Variants in DLG2 observed in about 807,000 individuals in gnomAD.
The protein encoded by DLG2 is disks large homolog 2.
DLG2 carries 45 observed loss-of-function variants against 132.5 expected under a neutral mutation model. The ratio of observed to expected loss-of-function variants is 0.34; its 90% CI spans 0.27 to 0.44. The LOEUF is 0.44. DLG2 is among the 20% of genes least tolerant of loss of function. The pLI, the probability that DLG2 is intolerant of heterozygous loss-of-function variation, is 1.00. For missense variants in DLG2, 1,045 were observed against 1,196.9 expected (o/e 0.87, Z 1.87); for synonymous variants, 424 against 419.6 (o/e 1.01, Z -0.13).
chr11:84,004,415 T>G (rs1317823608), intron 11 of DLG2, among the ~76,000 whole-genome samples: 4 of 151,952 alleles, frequency 2.6e-5, no homozygotes, highest in African/African-American at 9.7e-5. Flanking sequence ...TTCAACAAGC[T>G]AGGCAGAGAA....
chr11:85,141,380 T>C (rs1244631623), intron 5 of DLG2, among the ~76,000 whole-genome samples: 1 of 151,962 alleles, frequency 6.6e-6, no homozygotes, highest in Non-Finnish European at 1.5e-5. Context: ...GAGAAATCTC[T>C]GTTCAGATCT....
chr11:83,775,500 A>G (rs889606090), intron 18 of DLG2, among the ~76,000 whole-genome samples: 4 of 152,192 alleles, frequency 2.6e-5, no homozygotes, highest in Non-Finnish European at 4.4e-5. Flanking sequence ...AAGTTTTTGC[A>G]AAGTTTAAAT....
intron 3 of DLG2, among the ~76,000 whole-genome samples, chr11:85,473,043 C>G (rs1174596335): frequency 6.6e-6 from 1 of 152,224 alleles, no homozygotes; most frequent in African/African-American, 2.4e-5. Context: ...CACTGCTTTC[C>G]CCTTGTCTAG....
At chr11:85,608,757 G>A (rs1420450513) in intron 2 of DLG2, among the ~76,000 whole-genome samples, 1 of 152,194 alleles carries the variant, frequency 6.6e-6, no homozygotes, top group Admixed American at 6.5e-5. Context: ...ATTTAAAGCA[G>A]ATCAAGGCAG....
chr11:85,268,080 C>T (rs1006310728), intron 4 of DLG2, among the ~76,000 whole-genome samples: 1 of 152,110 alleles, frequency 6.6e-6, no homozygotes, highest in African/African-American at 2.4e-5. Flanking sequence ...TTTTATTTAA[C>T]CTGACAAATT....
intron 8 of DLG2, among the ~76,000 whole-genome samples, chr11:84,194,127 G>C (rs561581087): frequency 1.3e-5 from 2 of 152,156 alleles, no homozygotes; most frequent in Non-Finnish European, 2.9e-5. Context: ...TCAATCTTTC[G>C]ATGATCATAA....
At chr11:83,967,737 T>C (rs1362461150) in intron 12 of DLG2, among the ~76,000 whole-genome samples, 3 of 152,174 alleles carry the variant, frequency 2.0e-5, no homozygotes, top group Non-Finnish European at 4.4e-5. Context: ...TGTAGTCCTA[T>C]TTATTTTTCC....
intron 6 of DLG2, among the ~76,000 whole-genome samples, chr11:85,075,509 TCTTG>T (rs1248054509): frequency 2.0e-5 from 3 of 151,854 alleles, no homozygotes; most frequent in Non-Finnish European, 2.9e-5. Context: ...GCCAAATAGA[TCTTG>T]AAAACATTTT....
intron 7 of DLG2, among the ~76,000 whole-genome samples, chr11:84,409,851 C>G (rs1167528781): frequency 6.6e-6 from 1 of 152,176 alleles, no homozygotes. Flanking sequence ...ATTCCTCCCT[C>G]CCTTCACCGG....
intron 3 of DLG2, among the ~76,000 whole-genome samples, chr11:85,324,795 C>G (rs1339743174): frequency 6.6e-6 from 1 of 152,028 alleles, no homozygotes; most frequent in Non-Finnish European, 1.5e-5. Context: ...GGAACAGCTC[C>G]GGTCTACAGC....
intron 6 of DLG2, among the ~76,000 whole-genome samples, chr11:84,971,351 T>A (rs2054071767): frequency 6.6e-6 from 1 of 152,212 alleles, no homozygotes; most frequent in Non-Finnish European, 1.5e-5. Context: ...GATGAAAAAG[T>A]AAGATGATGT....
chr11:85,236,246 A>T (rs1215927480), intron 4 of DLG2, among the ~76,000 whole-genome samples: 6 of 152,054 alleles, frequency 3.9e-5, no homozygotes, highest in Non-Finnish European at 7.4e-5. Flanking sequence ...TCCAGTGCCA[A>T]CAGTATTACT....
chr11:83,724,934 C>G (rs560075427), intron 18 of DLG2: 15 of 702,286 alleles, frequency 2.1e-5, no homozygotes, highest in South Asian at 1.8e-4. Flanking sequence ...TTCCCTCCTC[C>G]TGGTTGAGCT....
At chr11:84,732,815 G>A (rs539313806) in intron 6 of DLG2, among the ~76,000 whole-genome samples, 32 of 126,218 alleles carry the variant, frequency 2.5e-4, no homozygotes, top group African/African-American at 5.4e-4. Context: ...AACAGGCCCC[G>A]GTGTGTGATG....
At chr11:83,906,290 CACACACACACACACACACACACACACACA>C (rs1565586152) in intron 15 of DLG2, among the ~76,000 whole-genome samples, 28 of 146,476 alleles carry the variant, frequency 1.9e-4, no homozygotes, top group Non-Finnish European at 4.1e-4. Flanking sequence ...CACACACACA[CACACACACACACACACACACACACACACA>C]CCTCGGCCTC....
intron 11 of DLG2, among the ~76,000 whole-genome samples, chr11:84,026,706 C>A (rs7929692): frequency 7.2e-4 from 110 of 152,190 alleles, no homozygotes; most frequent in African/African-American, 2.4e-3. Flanking sequence ...ACTCCATATT[C>A]CCAGTGGGCT....
intron 3 of DLG2, among the ~76,000 whole-genome samples, chr11:85,451,274 A>C (rs913615888): frequency 6.6e-6 from 1 of 152,160 alleles, no homozygotes; most frequent in Non-Finnish European, 1.5e-5. Flanking sequence ...TTACCTAAAA[A>C]TACATATCTT....
chr11:85,026,900 C>T (rs1439135187), intron 6 of DLG2, among the ~76,000 whole-genome samples: 1 of 152,036 alleles, frequency 6.6e-6, no homozygotes, highest in Admixed American at 6.6e-5. Context: ...TACAATTTCA[C>T]TCTTACAAAT....
At chr11:84,220,275 A>G (rs1202185068) in intron 8 of DLG2, among the ~76,000 whole-genome samples, 1 of 152,222 alleles carries the variant, frequency 6.6e-6, no homozygotes, top group Admixed American at 6.5e-5. Flanking sequence ...ACTAGACCAC[A>G]GATTACCGAT....
Sources: gnomAD v4.1 joint callset for allele counts (sites outside exome capture counted in the v4.1 genomes callset) on GRCh38, gnomAD v4.1.1 for gene constraint, MANE v1.5 for transcripts, NCBI Gene and HGNC (gene_info 2026-07-23, HGNC 2026-07-21) for gene names.